Variants in STK36 observed in about 807,000 individuals in gnomAD.
STK36 encodes serine/threonine kinase 36, also known as serine/threonine-protein kinase 36.
A neutral mutation model predicts 142.2 loss-of-function variants in STK36; 116 were observed. The ratio of observed to expected loss-of-function variants is 0.82; its 90% CI spans 0.70 to 0.95. The LOEUF is 0.95. Among genes scored for constraint, STK36 ranks in the 40% least tolerant of loss-of-function variants. The pLI is 0.00. For missense variants in STK36, 1,422 were observed against 1,617.2 expected (o/e 0.88, Z 2.07); for synonymous variants, 619 against 641.7 (o/e 0.96, Z 0.53).
rs144833360 is a variant in STK36, at chr2:218,685,093, C to T, written c.1245C>T (p.Asp415=). Reference sequence around the variant, plus strand: ...ACTCCCCTCTGCCTCAGGAGCCAGACAGTGACAATGAGTGGCAGCACCTGC... The same window carrying T: ...ACTCCCCTCTGCCTCAGGAGCCAGATAGTGACAATGAGTGGCAGCACCTGC... ...DVVDLENEEP[D]SDNEWQHLLE... The change falls in exon 11 of 27, where the codon GAC becomes GAT. Residue 415 remains aspartate (D), a synonymous_variant. Transcript: ENST00000295709. 1 of 1,614,080 alleles carries T rather than the reference C, an allele frequency of 6.2e-7. No homozygotes were observed. Among genetic ancestry groups the T allele is most frequent in the Non-Finnish European group, 8.5e-7 (1 of 1,179,988 alleles).
In STK36 at chr2:218,679,677, C is replaced by T. The variant is rs1419650971; in HGVS notation, c.896C>T (p.Ser299Phe). 2 of 1,614,192 alleles carry T rather than the reference C, an allele frequency of 1.2e-6. No individual in the cohort carries two copies. Among genetic ancestry groups the T allele is most frequent in the Middle Eastern group, 1.6e-4 (1 of 6,062 alleles). The change falls in exon 8 of 27, where the codon TCT becomes TTT. Residue 299 changes from serine (S) to phenylalanine (F), a missense_variant. This residue lies in a region of STK36 where 460 missense variants were observed against 449.6 expected (regional missense o/e 1.02). Coordinates refer to ENST00000295709, the MANE Select transcript of STK36 (RefSeq NM_015690.5). The part of the protein sequence containing the change: ...AHRLAPKGNQ[S>F]RILTQAYKRM... Reference sequence around the variant, plus strand: ...CGGTTGGCCCCCAAGGGTAATCAGTCTCGCATCTTGACTCAGGCCTATAAA... The same window carrying T: ...CGGTTGGCCCCCAAGGGTAATCAGTTTCGCATCTTGACTCAGGCCTATAAA...
At chr2:218,673,213 T>C (rs1336062982) in intron 2 of STK36, 3 of 397,418 alleles carry the variant, frequency 7.5e-6, no homozygotes, top group Non-Finnish European at 1.4e-5. Flanking sequence ...TAAATATGTT[T>C]TCACATTAAA....
chr2:218,688,602 C>G, intron 11 of STK36, 95 bp from the exon 12 acceptor site: 1 of 1,400,728 alleles, frequency 7.1e-7, no homozygotes, highest in Non-Finnish European at 9.7e-7. Flanking sequence ...ATGTGGTCTG[C>G]TTTCCCAGCT....
intron 17 of STK36, 142 bp from the exon 18 acceptor site, chr2:218,693,581 A>G: frequency 1.2e-6 from 1 of 850,854 alleles, no homozygotes; most frequent in Non-Finnish European, 1.8e-6. Context: ...TCTCATAGCA[A>G]GAGGCAGAAG....
At chr2:218,684,197 C>T (rs1363851725) in intron 10 of STK36, among the ~76,000 whole-genome samples, 2 of 150,474 alleles carry the variant, frequency 1.3e-5, no homozygotes, top group African/African-American at 4.9e-5. Context: ...CCGCCACCTC[C>T]ACCTCCTGGA....
Position 218,693,306 on chromosome 2 carries a change from G to A in STK36, c.2110G>A (p.Gly704Ser). 2 of 1,614,116 alleles carry A rather than the reference G, an allele frequency of 1.2e-6. No homozygotes were observed. The highest frequency in any genetic ancestry group is 1.7e-6 in the Non-Finnish European group (2 of 1,180,006). ...SSQLRPSLIS[G>S]LQHPILCLHL... ...CCAGCTCAGGCCATCCCTCATCTCT[G>A]GCCTGCAGCATCCCATCCTGTGCCT... The change falls in exon 17 of 27, where the codon GGC (glycine) becomes AGC (serine). Residue 704 changes from glycine (G) to serine (S), a missense_variant. Physicochemically the swap from Gly to Ser is moderately conservative, Grantham distance 56 (BLOSUM62 0). Around this residue, in one of 2 missense-constraint regions of STK36, gnomAD observed 962 missense variants for 1,167.5 expected, o/e 0.82. Coordinates refer to ENST00000295709, the MANE Select transcript of STK36 (RefSeq NM_015690.5).
rs1441850627 is a variant in STK36, at chr2:218,673,562, C to T, written c.85-63C>T. On this transcript the variant is annotated intron_variant, in intron 2 of 26. Coordinates refer to ENST00000295709, the MANE Select transcript of STK36 (RefSeq NM_015690.5). ...GACTTCTGGAGCTCTGAGATTAAGG[C>T]TGAAATTCTAGATCTTTTCAGTAGT... The T allele has an allele frequency of 3.9e-6, 6 of 1,543,056 alleles. No individual in the cohort carries two copies. In the Admixed American group the frequency reaches 6.4e-5, roughly 16 times the overall value.
In STK36 at chr2:218,694,279, C is replaced by T; in HGVS notation, c.2352C>T (p.Gly784=). 6.2e-7 allele frequency: 1 copy of T among 1,613,920 alleles called. No individual in the cohort carries two copies. The highest frequency in any genetic ancestry group is 2.2e-5 in the East Asian group (1 of 44,888). Residue 784 remains glycine (G), a synonymous_variant, in exon 20 of 27, where the codon GGC becomes GGT. Coordinates refer to ENST00000295709, the MANE Select transcript of STK36 (RefSeq NM_015690.5). This position sits in a 1 kb window ranked among gnomAD's most constrained non-coding sequence, Gnocchi z 4.4. ...QNLPCGMEKL[G]SDVATLFTHS... is the part of the protein sequence containing the mutation. ...TTTATTCCAGAATGGAGAAGCTAGG[C>T]AGTGACGTTGCTACTCTCTTTACCC...
At position 218,688,686 on chromosome 2, in the gene STK36, A is replaced by G; in HGVS notation, c.1381-11A>G. On this transcript the variant is annotated splice_polypyrimidine_tract_variant and intron_variant, in intron 11 of 26. Transcript: ENST00000295709. Reference sequence around the variant, plus strand: ...ATATCAATCGTTGCCTCTTTCCCTCATGTCACCCAGATCCTGAAAGGCATC... The same window carrying G: ...ATATCAATCGTTGCCTCTTTCCCTCGTGTCACCCAGATCCTGAAAGGCATC... 6.2e-7 allele frequency: 1 copy of G among 1,609,268 alleles called. No homozygotes were observed.
rs141444996 is a variant in STK36 at position 218,697,160 on chromosome 2, C to T, written c.2708C>T (p.Ser903Leu). 561 of 1,614,012 alleles carry T rather than the reference C, an allele frequency of 3.5e-4. No individual in the cohort carries two copies. The highest frequency in any genetic ancestry group is 3.8e-4 in the Non-Finnish European group (449 of 1,180,038). Residue 903 changes from serine (S) to leucine (L), a missense_variant, in exon 23 of 27, where the codon TCG (serine) becomes TTG (leucine). By Grantham distance (145) the Ser-to-Leu change is moderately radical (BLOSUM62 -2). Around this residue, in one of 2 missense-constraint regions of STK36, gnomAD observed 962 missense variants for 1,167.5 expected, o/e 0.82. Transcript: ENST00000295709. ...GCATCTGCACAGGAAGGGGAGCTTT[C>T]GCTATCCAGTCCACCAAGCCCTGAG... ...EEASAQEGEL[S>L]LSSPPSPEPD...
chr2:218,692,682 T>C lies in STK36; in HGVS notation c.2015T>C (p.Leu672Pro), dbSNP rs35448374. 3.1e-6 allele frequency: 5 copies of C among 1,613,262 alleles called. No homozygotes were observed. The East Asian group carries it at 8.9e-5, about 29-fold the overall frequency. Residue 672 changes from leucine (L) to proline (P), a missense_variant, in exon 16 of 27, where the codon CTG becomes CCG. By Grantham distance (98) the Leu-to-Pro change is moderately conservative (BLOSUM62 -3). Transcript: ENST00000295709. The stretch of plus-strand genomic sequence containing the variant: ...GCCATATGCACTGCTCCTGTGGGAC[T>C]GCCCGACTGCTGGGATGCCAAGGAG... ...LAAICTAPVG[L>P]PDCWDAKEQV...
In STK36 at chr2:218,697,943, T is replaced by A. The variant is rs901519490; in HGVS notation, c.2999T>A (p.Leu1000His). Residue 1000 changes from leucine (L) to histidine (H), a missense_variant, in exon 25 of 27, where the codon CTC becomes CAC. By Grantham distance (99) the Leu-to-His change is moderately conservative. Around this residue, in one of 2 missense-constraint regions of STK36, gnomAD observed 962 missense variants for 1,167.5 expected, o/e 0.82. Transcript: ENST00000295709. ...TTTGCGCTGGACATGGATGCTGACCTCCTTATAGGTGTCTTGGCCGACCTC... is the reference window on the plus strand; with the variant it reads ...TTTGCGCTGGACATGGATGCTGACCACCTTATAGGTGTCTTGGCCGACCTC... ...FPFALDMDAD[L>H]LIGVLADLRD... The A allele has an allele frequency of 2.5e-6, 4 of 1,614,054 alleles. No individual in the cohort carries two copies. The highest frequency in any genetic ancestry group is 3.4e-6 in the Non-Finnish European group (4 of 1,180,038).
chr2:218,680,077 C>T lies in STK36; in HGVS notation c.1133C>T (p.Pro378Leu). ...KSGTGEVPSAPRENRTTPDCE... is the reference protein window; with the variant it reads ...KSGTGEVPSALRENRTTPDCE... ...GGGACTGGAGAGGTGCCCTCTGCAC[C>T]TCGGTGAGAAGGGTATAGTTAGGGA... The change falls in exon 9 of 27, where the codon CCT becomes CTT. Residue 378 changes from proline to leucine, a missense_variant. Transcript: ENST00000295709. 3 of 1,613,888 alleles carry T rather than the reference C, an allele frequency of 1.9e-6. No individual in the cohort carries two copies. The highest frequency in any genetic ancestry group is 1.1e-5 in the South Asian group (1 of 91,034).
chr2:218,683,674 C>T (rs1484466084), intron 10 of STK36, among the ~76,000 whole-genome samples: 2 of 152,070 alleles, frequency 1.3e-5, no homozygotes, highest in African/African-American at 2.4e-5. Flanking sequence ...CATGCTGGTG[C>T]GCAGCACCCA....
intron 26 of STK36, among the ~76,000 whole-genome samples, chr2:218,700,794 T>C (rs1463101366): frequency 6.6e-6 from 1 of 151,370 alleles, no homozygotes; most frequent in African/African-American, 2.4e-5. Context: ...GGCGGATCAC[T>C]TGAGGTCAGG....
intron 10 of STK36, among the ~76,000 whole-genome samples, chr2:218,684,106 CTTT>C (rs35807157): frequency 3.8e-5 from 4 of 105,172 alleles, no homozygotes; most frequent in African/African-American, 8.4e-5. Context: ...GCCTCACGAT[CTTT>C]TTTTTTTTTT....
chr2:218,681,610 C>G (rs1467855399), intron 10 of STK36, among the ~76,000 whole-genome samples: 1 of 152,156 alleles, frequency 6.6e-6, no homozygotes, highest in African/African-American at 2.4e-5. Flanking sequence ...ATTTATTTCT[C>G]ACAGTTCTGG....
chr2:218,672,251 G>C, intron 1 of STK36, 36 bp downstream of exon 1: 1 of 534,916 alleles, frequency 1.9e-6, no homozygotes, highest in Admixed American at 3.3e-5. Flanking sequence ...GGAGGGAGAG[G>C]CGGGTGGAGA....
In STK36 at chr2:218,684,527, TCTC is replaced by T. The variant is rs1041058828; in HGVS notation, c.1237-555_1237-553del. Among the ~76,000 whole-genome samples the T allele has an allele frequency of 1.7e-4, 24 of 139,468 alleles. 1 individual carries two copies. Among genetic ancestry groups the T allele is most frequent in the South Asian group, 1.5e-3 (6 of 4,032 alleles). The allele number at this position is 139,468 out of a possible 152,430, so 91.5% of individuals were successfully genotyped here. ...ACTCTGTCTCCCGGGTTCAAACAAT[TCTC>T]CTGTGTCAGCCTCCTGAGTAGCTGG... is the stretch of plus-strand genomic sequence containing the variant. On this transcript the variant is annotated intron_variant, in intron 10 of 26. Coordinates refer to ENST00000295709, the MANE Select transcript of STK36 (RefSeq NM_015690.5).
Sources: allele counts gnomAD v4.1 joint callset (sites outside exome capture counted in the v4.1 genomes callset), GRCh38; gene constraint gnomAD v4.1.1; regional missense constraint gnomAD v4.1.1; non-coding constraint Gnocchi (gnomAD v3.1); transcripts MANE v1.5; gene names NCBI Gene and HGNC (gene_info 2026-07-23, HGNC 2026-07-21).